LRRK1: variants seen among roughly 807,000 people sequenced by gnomAD.
LRRK1 encodes leucine rich repeat kinase 1.
In LRRK1, 113 loss-of-function variants were observed where a neutral mutation model predicts 209.1. The ratio of observed to expected loss-of-function variants is 0.54; its 90% CI spans 0.46 to 0.63. The LOEUF (loss-of-function observed/expected upper bound fraction) is 0.63, where lower values mean the gene tolerates loss of function less well. Among genes scored for constraint, LRRK1 ranks in the 30% least tolerant of loss-of-function variants. LRRK1 has a pLI of 0.00. For synonymous variants in LRRK1, 1,144 were observed against 1,099.7 expected (o/e 1.04, Z -0.80); for missense variants, 2,284 against 2,632.2 (o/e 0.87, Z 2.89).
chr15:101,049,736 C>T lies in LRRK1; in HGVS notation c.3392C>T (p.Ala1131Val), dbSNP rs2035292134. ...QSEVRDFSAMAFITDHVNSLI... is the reference protein window; with the variant it reads ...QSEVRDFSAMVFITDHVNSLI... ...GAAGTGAGGGACTTCTCAGCCATGG[C>T]TTTCATCACGGACCACGTCAATTCC... is the stretch of plus-strand genomic sequence containing the variant. The change falls in exon 23 of 34, where the codon GCT (alanine) becomes GTT (valine). Residue 1131 changes from alanine (A) to valine (V), a missense_variant. Physicochemically the swap from Ala to Val is moderately conservative, Grantham distance 64. Coordinates refer to ENST00000388948, the MANE Select transcript of LRRK1 (RefSeq NM_024652.6). 3 of 1,613,988 alleles carry T rather than the reference C, an allele frequency of 1.9e-6. No homozygotes were observed. Among genetic ancestry groups the T allele is most frequent in the African/African-American group, 1.3e-5 (1 of 74,928 alleles).
chr15:100,958,901 C>T (rs545479618), intron 2 of LRRK1, among the ~76,000 whole-genome samples: 9 of 152,228 alleles, frequency 5.9e-5, no homozygotes, highest in African/African-American at 1.7e-4. Flanking sequence ...TCCCTGCCAA[C>T]GTTTTGCAGT....
Position 101,024,872 on chromosome 15 carries a change from T to G in LRRK1, c.2137T>G (p.Phe713Val), listed in dbSNP as rs767215413. 29 of 1,614,078 alleles carry G rather than the reference T, an allele frequency of 1.8e-5. No individual in the cohort carries two copies. ...CAGCATGGCCACTGTCAACCAGTGCTTCTTCACGGACAAGGCCCTGTACGT... is the reference window on the plus strand; with the variant it reads ...CAGCATGGCCACTGTCAACCAGTGCGTCTTCACGGACAAGGCCCTGTACGT... ...PASMATVNQC[F>V]FTDKALYVVV... The change falls in exon 16 of 34, where the codon TTC becomes GTC. Residue 713 changes from phenylalanine to valine, a missense_variant. Transcript: ENST00000388948. This position sits in a 1 kb window ranked among gnomAD's most constrained non-coding sequence, Gnocchi z 4.6.
chr15:101,009,102 C>T, intron 7 of LRRK1, 39 bp downstream of exon 7: 1 of 1,465,888 alleles, frequency 6.8e-7, no homozygotes, highest in Non-Finnish European at 9.5e-7. Context: ...TGTGTGACCC[C>T]GCTGTCACCG....
chr15:101,051,896 C>T lies in LRRK1; in HGVS notation c.3625C>T (p.Pro1209Ser). 6.2e-7 allele frequency: 1 copy of T among 1,614,036 alleles called. No homozygotes were observed. The change falls in exon 24 of 34, where the codon CCG becomes TCG. Residue 1209 changes from proline to serine, a missense_variant. Pro to Ser is a moderately conservative substitution (Grantham distance 74). Transcript: ENST00000388948. ...ERDFISCPRH[P>S]DLPVPLQELV... ...GGACTTCATCTCCTGCCCCAGACAC[C>T]CGGACCTCCCCGTGCCGCTGCAGGA...
intron 29 of LRRK1, among the ~76,000 whole-genome samples, chr15:101,059,532 A>ATGAT (rs1181433088): frequency 1.3e-5 from 2 of 152,204 alleles, no homozygotes; most frequent in South Asian, 2.1e-4. Flanking sequence ...CAGCACTGTT[A>ATGAT]TGATTGTTAC....
chr15:100,998,832 ATAGATGGGTGGG>A (rs1217789876), intron 6 of LRRK1, among the ~76,000 whole-genome samples: 18 of 150,716 alleles, frequency 1.2e-4, no homozygotes, highest in African/African-American at 4.4e-4. Context: ...GGATGGATAG[ATAGATGGGTGGG>A]TAGATGGGTG....
chr15:100,971,977 T>TC (rs1023855051), intron 2 of LRRK1, among the ~76,000 whole-genome samples: 2 of 151,870 alleles, frequency 1.3e-5, no homozygotes, highest in Non-Finnish European at 2.9e-5. Flanking sequence ...ATTTTTTTTT[T>TC]TTTTAGACAG....
rs11639365 is a variant in LRRK1 at position 101,059,486 on chromosome 15, T to C, written c.4679+1345T>C. ...CTAAGGACAAAACAAAAAGCAAACA[T>C]ATTAATTAAACAGGTTTCAGTAATT... On this transcript the variant is annotated intron_variant, in intron 29 of 33. Coordinates refer to ENST00000388948, the MANE Select transcript of LRRK1 (RefSeq NM_024652.6). Among the ~76,000 whole-genome samples, 920 of 146,652 alleles carry C rather than the reference T, an allele frequency of 6.3e-3. 6 individuals are homozygous for C. Among genetic ancestry groups the C allele is most frequent in the Non-Finnish European group, 1.0e-2 (640 of 64,146 alleles).
At chr15:100,928,965 G>C (rs962789661) in intron 2 of LRRK1, among the ~76,000 whole-genome samples, 2 of 152,242 alleles carry the variant, frequency 1.3e-5, no homozygotes, top group African/African-American at 4.8e-5. Flanking sequence ...TGCGGTGCAA[G>C]AGGAATGGTT....
intron 3 of LRRK1, among the ~76,000 whole-genome samples, chr15:100,980,913 C>T (rs1187198769): frequency 1.3e-5 from 2 of 152,132 alleles, no homozygotes; most frequent in Admixed American, 6.5e-5. Context: ...TGAAACTGAA[C>T]ATTTAAAATA....
intron 2 of LRRK1, among the ~76,000 whole-genome samples, chr15:100,954,532 G>A (rs1163067808): frequency 1.3e-5 from 2 of 152,072 alleles, no homozygotes; most frequent in Non-Finnish European, 1.5e-5. Flanking sequence ...TGCTTTGGTT[G>A]CCTGTACTTT....
chr15:101,039,401 T>C (rs2141114533), intron 20 of LRRK1, among the ~76,000 whole-genome samples: 1 of 152,366 alleles, frequency 6.6e-6, no homozygotes, highest in African/African-American at 2.4e-5. Context: ...TGATTTCCAT[T>C]TCTTGTTGCT....
In LRRK1 at chr15:101,021,122, T is replaced by A; in HGVS notation, c.1679T>A (p.Leu560His). 2 of 1,614,142 alleles carry A rather than the reference T, an allele frequency of 1.2e-6. No homozygotes were observed. Among genetic ancestry groups the A allele is most frequent in the Non-Finnish European group, 1.7e-6 (2 of 1,180,002 alleles). Reference sequence around the variant, plus strand: ...GTCCTTTGCCTGAACGACAACCACCTCGACACAGTCCCTCCCTCGGTTTGC... The same window carrying A: ...GTCCTTTGCCTGAACGACAACCACCACGACACAGTCCCTCCCTCGGTTTGC... ...LEVLCLNDNH[L>H]DTVPPSVCLL... The change falls in exon 13 of 34, where the codon CTC becomes CAC. Residue 560 changes from leucine (L) to histidine (H), a missense_variant. Transcript: ENST00000388948.
intron 20 of LRRK1, among the ~76,000 whole-genome samples, chr15:101,033,503 T>G (rs569672178): frequency 6.6e-6 from 1 of 152,300 alleles, no homozygotes; most frequent in East Asian, 1.9e-4. Context: ...CTCCCACATA[T>G]GAGTGGGAGC....
chr15:100,977,886 G>A (rs965220958), intron 3 of LRRK1, among the ~76,000 whole-genome samples: 1 of 152,024 alleles, frequency 6.6e-6, no homozygotes, highest in African/African-American at 2.4e-5. Context: ...ACAACCAAGA[G>A]ATGCCAACAC....
intron 6 of LRRK1, among the ~76,000 whole-genome samples, chr15:100,994,353 A>G (rs548236308): frequency 6.6e-6 from 1 of 152,346 alleles, no homozygotes; most frequent in South Asian, 2.1e-4. Flanking sequence ...TGCTCAGACC[A>G]CATCTTACAC....
chr15:100,971,995 C>G lies in LRRK1; in HGVS notation c.98-1809C>G, dbSNP rs1041445602. Among the ~76,000 whole-genome samples, 38 of 151,202 alleles carry G rather than the reference C, an allele frequency of 2.5e-4. 1 individual carries two copies. Among genetic ancestry groups the G allele is most frequent in the Admixed American group, 1.4e-3 (21 of 15,224 alleles). ...TTTTTTTTTTTTAGACAGAGTTTCG[C>G]TCTGTCACCCAGGCTGGAGTGCAGT... On this transcript the variant is annotated intron_variant, in intron 2 of 33. Transcript: ENST00000388948.
intron 2 of LRRK1, among the ~76,000 whole-genome samples, chr15:100,970,220 G>A (rs532223723): frequency 7.8e-4 from 118 of 152,142 alleles, no homozygotes; most frequent in African/African-American, 2.7e-3. Flanking sequence ...TTCTTTATCC[G>A]GTCCATCACT....
rs899635100 is a variant in LRRK1, at chr15:101,077,202, A to G, written c.*8354A>G. On this transcript the variant is annotated 3_prime_UTR_variant, in exon 34 of 34. Transcript: ENST00000388948. Reference sequence around the variant, plus strand: ...ACAGCCCATTTGAGCTCCTGTATAGACGCTCCTTTTTATTAGGCCCCAGTC... The same window carrying G: ...ACAGCCCATTTGAGCTCCTGTATAGGCGCTCCTTTTTATTAGGCCCCAGTC... The G allele has an allele frequency of 4.6e-5, 7 of 152,214 alleles. No individual in the cohort carries two copies. The highest frequency in any genetic ancestry group is 1.7e-4 in the African/African-American group (7 of 41,448). 9.4% of individuals were successfully genotyped at this position (152,214 alleles called of 1,614,324 possible). A position where few individuals can be genotyped will look rare whatever the true frequency, so the allele number is the denominator to read the frequency against.
Sources: allele counts gnomAD v4.1 joint callset (sites outside exome capture counted in the v4.1 genomes callset), GRCh38; gene constraint gnomAD v4.1.1; non-coding constraint Gnocchi (gnomAD v3.1); transcripts MANE v1.5; gene names NCBI Gene and HGNC (gene_info 2026-07-23, HGNC 2026-07-21).